The following CDH4 variants were observed in gnomAD, a reference collection of about 807,000 sequenced individuals.
CDH4 encodes cadherin 4.
A neutral mutation model predicts 86.0 loss-of-function variants in CDH4; 33 were observed. The observed-to-expected ratio is 0.38, with a 90% CI of 0.29 to 0.51. The LOEUF is 0.51. CDH4 is among the 20% of genes least tolerant of loss of function. CDH4 has a pLI of 0.86. For missense variants in CDH4, 1,114 were observed against 1,307.4 expected (o/e 0.85, Z 2.28); for synonymous variants, 555 against 549.4 (o/e 1.01, Z -0.14).
intron 6 of CDH4, among the ~76,000 whole-genome samples, chr20:61,858,325 C>CTGTCTGTG (rs1555849384): frequency 4.8e-5 from 7 of 145,702 alleles, no homozygotes; most frequent in Non-Finnish European, 1.1e-4. Context: ...GTGTCTGTGT[C>CTGTCTGTG]TGTCTGTGTC....
At chr20:61,433,521 CTG>C (rs1284868388) in intron 2 of CDH4, among the ~76,000 whole-genome samples, 1 of 151,230 alleles carries the variant, frequency 6.6e-6, no homozygotes, top group Non-Finnish European at 1.5e-5. Flanking sequence ...AAAAAAAAAC[CTG>C]CTAGAATTTT....
rs1160016285 is a variant in CDH4, at chr20:61,810,820, A to G, written c.577-33848A>G. 6.6e-6 allele frequency among the ~76,000 whole-genome samples: 1 copy of G among 152,194 alleles called. No individual in the cohort carries two copies. The highest frequency in any genetic ancestry group is 1.5e-5 in the Non-Finnish European group (1 of 68,044). Reference sequence around the variant, plus strand: ...CAGATGCCTCGGTGGTCACTTCTCCAGTCTCAGCTGCTCAACAGAGCCACT... The same window carrying G: ...CAGATGCCTCGGTGGTCACTTCTCCGGTCTCAGCTGCTCAACAGAGCCACT... On this transcript the variant is annotated intron_variant, in intron 4 of 15. Coordinates refer to ENST00000614565, the MANE Select transcript of CDH4 (RefSeq NM_001794.5). The surrounding 1 kb of genome is among the most constrained non-coding windows in gnomAD (Gnocchi z 4.3).
chr20:61,890,597 T>TGATG (rs998172122), intron 7 of CDH4, among the ~76,000 whole-genome samples: 19 of 149,942 alleles, frequency 1.3e-4, no homozygotes, highest in South Asian at 2.1e-4. Flanking sequence ...GATGGGTAAA[T>TGATG]GATGGATGGA....
intron 2 of CDH4, among the ~76,000 whole-genome samples, chr20:61,693,682 C>T (rs1246165657): frequency 1.3e-5 from 2 of 152,172 alleles, no homozygotes; most frequent in East Asian, 1.9e-4. Context: ...CGTTAGAGGG[C>T]AAAGGCCTGG....
chr20:61,784,855 A>G (rs1978788413), intron 4 of CDH4, among the ~76,000 whole-genome samples: 1 of 152,032 alleles, frequency 6.6e-6, no homozygotes, highest in Non-Finnish European at 1.5e-5. Flanking sequence ...GCAGCTCTGG[A>G]TGGCGCGAGT....
intron 2 of CDH4, among the ~76,000 whole-genome samples, chr20:61,626,664 T>C (rs1176359837): frequency 6.6e-6 from 1 of 152,172 alleles, no homozygotes; most frequent in Admixed American, 6.5e-5. Context: ...GCAGGTCTGC[T>C]TCTGCACCCA....
chr20:61,830,141 A>T (rs1297942912), intron 4 of CDH4, among the ~76,000 whole-genome samples: 1 of 121,062 alleles, frequency 8.3e-6, no homozygotes, highest in Non-Finnish European at 1.7e-5. Flanking sequence ...TGTGACCCAG[A>T]TCCATCTCCT....
intron 2 of CDH4, among the ~76,000 whole-genome samples, chr20:61,397,242 C>A (rs1291726112): frequency 8.5e-5 from 13 of 152,100 alleles, no homozygotes; most frequent in African/African-American, 2.7e-4. Flanking sequence ...TGAGGAAAAA[C>A]CAGAAAGTCT....
intron 7 of CDH4, among the ~76,000 whole-genome samples, chr20:61,887,388 GCA>G (rs145026017): frequency 2.0e-5 from 3 of 151,656 alleles, no homozygotes; most frequent in Non-Finnish European, 2.9e-5. Flanking sequence ...GCAGTCAGCT[GCA>G]CACACACACA....
intron 7 of CDH4, among the ~76,000 whole-genome samples, chr20:61,886,050 G>A (rs1016358982): frequency 6.6e-6 from 1 of 152,236 alleles, no homozygotes; most frequent in East Asian, 1.9e-4. Context: ...TGCAAGCCTG[G>A]GCTACAGGGC....
At chr20:61,552,503 C>T (rs1327002939) in intron 2 of CDH4, among the ~76,000 whole-genome samples, 1 of 152,154 alleles carries the variant, frequency 6.6e-6, no homozygotes, top group Non-Finnish European at 1.5e-5. Context: ...AGTTCGAGAC[C>T]AGCCTGGCCA....
At chr20:61,303,992 C>T (rs374429797) in intron 2 of CDH4, among the ~76,000 whole-genome samples, 20 of 152,226 alleles carry the variant, frequency 1.3e-4, no homozygotes, top group African/African-American at 3.6e-4. Context: ...AAGGTTAACA[C>T]GGCCGTAGGG....
intron 7 of CDH4, among the ~76,000 whole-genome samples, chr20:61,892,424 TACAG>T (rs1380320665): frequency 6.6e-6 from 1 of 152,182 alleles, no homozygotes; most frequent in Non-Finnish European, 1.5e-5. Flanking sequence ...TGGCAAGGGT[TACAG>T]ACAATGATCA....
intron 2 of CDH4, among the ~76,000 whole-genome samples, chr20:61,540,607 TCTC>T (rs1243759054): frequency 1.5e-4 from 23 of 152,102 alleles, no homozygotes; most frequent in African/African-American, 5.3e-4. Flanking sequence ...TGGCTGGTGA[TCTC>T]CTGTCCCAGG....
intron 2 of CDH4, among the ~76,000 whole-genome samples, chr20:61,443,820 GTATC>G (rs1261274938): frequency 6.6e-6 from 1 of 151,650 alleles, no homozygotes; most frequent in Non-Finnish European, 1.5e-5. Context: ...GTGTGTCTGT[GTATC>G]TGTCTGTCTC....
Position 61,565,265 on chromosome 20 carries a change from G to T in CDH4, c.170-178298G>T, listed in dbSNP as rs370956078. On this transcript the variant is annotated intron_variant, in intron 2 of 15. Transcript: ENST00000614565. ...TGGCGGTGCTCTTGGTGATGGTGGTGGTGGTCCTCTTGGTGATGGGGTGAT... is the reference window on the plus strand; with the variant it reads ...TGGCGGTGCTCTTGGTGATGGTGGTTGTGGTCCTCTTGGTGATGGGGTGAT... Among the ~76,000 whole-genome samples, 17 of 21,730 alleles carry T rather than the reference G, an allele frequency of 7.8e-4. 2 individuals carry two copies. The highest frequency in any genetic ancestry group is 6.7e-3 in the African/African-American group (16 of 2,384). The allele number at this position is 21,730 out of a possible 152,430, so 14.3% of individuals were successfully genotyped here. A position where few individuals can be genotyped will look rare whatever the true frequency, so the allele number is the denominator to read the frequency against.
At chr20:61,465,865 CT>C (rs202098908) in intron 2 of CDH4, among the ~76,000 whole-genome samples, 309 of 137,680 alleles carry the variant, frequency 2.2e-3, no homozygotes, top group Admixed American at 2.4e-3. Context: ...ACTTTTTTTT[CT>C]TTTTTTTTTT....
rs1239271694 is a variant in CDH4, at chr20:61,565,257, A to ATGG, written c.170-178295_170-178293dup. Among the ~76,000 whole-genome samples the ATGG allele has an allele frequency of 1.3e-4, 2 of 14,892 alleles. 1 individual carries two copies. The highest frequency in any genetic ancestry group is 5.8e-3 in the South Asian group (2 of 346). The allele number at this position is 14,892 out of a possible 152,430, so 9.8% of individuals were successfully genotyped here. ...GGTGGTGGTGGCGGTGCTCTTGGTGATGGTGGTGGTGGTCCTCTTGGTGAT... is the reference window on the plus strand; with the variant it reads ...GGTGGTGGTGGCGGTGCTCTTGGTGATGGTGGTGGTGGTGGTCCTCTTGGTGAT... On this transcript the variant is annotated intron_variant, in intron 2 of 15. Transcript: ENST00000614565.
intron 2 of CDH4, among the ~76,000 whole-genome samples, chr20:61,634,136 G>A (rs1190233149): frequency 6.6e-6 from 1 of 152,174 alleles, no homozygotes; most frequent in Non-Finnish European, 1.5e-5. Context: ...AGGATTAAAC[G>A]AGTGACACAT....
Sources: gnomAD v4.1 joint callset for allele counts (sites outside exome capture counted in the v4.1 genomes callset) on GRCh38, gnomAD v4.1.1 for gene constraint, Gnocchi (gnomAD v3.1) non-coding constraint, MANE v1.5 for transcripts, NCBI Gene and HGNC (gene_info 2026-07-23, HGNC 2026-07-21) for gene names.